EIF2AK1: variants seen among roughly 807,000 people sequenced by gnomAD.
The protein encoded by EIF2AK1 is eukaryotic translation initiation factor 2 alpha kinase 1.
A neutral mutation model predicts 77.9 loss-of-function variants in EIF2AK1; 54 were observed. That is an observed-to-expected ratio of 0.69 (90% CI 0.56 to 0.87). EIF2AK1 has a LOEUF of 0.87. EIF2AK1 is among the 40% of genes least tolerant of loss of function. The pLI, the probability that EIF2AK1 is intolerant of heterozygous loss-of-function variation, is 0.00. For synonymous variants in EIF2AK1, 314 were observed against 290.5 expected, an observed-to-expected ratio of 1.08 and a Z score of -0.82; for missense variants, 810 against 768.6, an observed-to-expected ratio of 1.05 and a Z score of -0.64.
chr7:6,056,292 CAAAAA>C (rs71008352), intron 1 of EIF2AK1, among the ~76,000 whole-genome samples: 28 of 55,810 alleles, frequency 5.0e-4, no homozygotes, highest in Admixed American at 8.0e-4. Context: ...GACTCAGTCT[CAAAAA>C]AAAAAAAAAA....
intron 14 of EIF2AK1, 36 bp downstream of exon 14, chr7:6,026,692 C>T (rs1217027683): frequency 3.2e-6 from 5 of 1,572,688 alleles, no homozygotes; most frequent in South Asian, 1.1e-5. Flanking sequence ...TAAAAACCAC[C>T]TTCACTCCAG....
At chr7:6,046,493 A>C in intron 5 of EIF2AK1, 1 of 171,226 alleles carries the variant, frequency 5.8e-6, no homozygotes. Context: ...CCATGTAAAC[A>C]ATCAACACGG....
intron 2 of EIF2AK1, among the ~76,000 whole-genome samples, chr7:6,051,030 T>C (rs1484396439): frequency 6.6e-6 from 1 of 152,116 alleles, no homozygotes; most frequent in Non-Finnish European, 1.5e-5. Context: ...TTCCACACAT[T>C]ACCCTTTGCT....
chr7:6,036,180 C>T lies in EIF2AK1; in HGVS notation c.1332+1244G>A, dbSNP rs1357014741. ...AATGACCAATAACCAAGGAATTCTA[C>T]CTGCAGGAATCATGCTACCAGAATT... On this transcript the variant is annotated intron_variant, in intron 11 of 14. Coordinates refer to ENST00000199389, the MANE Select transcript of EIF2AK1 (RefSeq NM_014413.4). The surrounding 1 kb of genome is among the most constrained non-coding windows in gnomAD (Gnocchi z 4.6). 2.6e-6 allele frequency: 4 copies of T among 1,549,674 alleles called. No individual in the cohort carries two copies. Among genetic ancestry groups the T allele is most frequent in the East Asian group, 4.9e-5 (2 of 40,914 alleles).
chr7:6,039,129 A>G (rs1788218655), intron 9 of EIF2AK1, among the ~76,000 whole-genome samples: 1 of 152,236 alleles, frequency 6.6e-6, no homozygotes, highest in Non-Finnish European at 1.5e-5. Flanking sequence ...CACGTTGTAC[A>G]TAACTAATAA....
intron 7 of EIF2AK1, 48 bp downstream of exon 7, chr7:6,044,514 C>T (rs1245829732): frequency 1.3e-6 from 2 of 1,524,810 alleles, no homozygotes; most frequent in Non-Finnish European, 1.8e-6. Context: ...GGTGCACGGG[C>T]TAAAGTTTGC....
In EIF2AK1 at chr7:6,027,093, G is replaced by T; in HGVS notation, c.1531-132C>A. 1 of 739,996 alleles carries T rather than the reference G, an allele frequency of 1.4e-6. No homozygotes were observed. Among genetic ancestry groups the T allele is most frequent in the South Asian group, 1.7e-5 (1 of 59,380 alleles). 45.8% of individuals were successfully genotyped at this position (739,996 alleles called of 1,614,324 possible). ...GATATACGGTCACCCACAAGGAAGG[G>T]AACAGAGCAGGATAGCTCATCAGTG... On this transcript the variant is annotated intron_variant, in intron 13 of 14. Coordinates refer to ENST00000199389, the MANE Select transcript of EIF2AK1 (RefSeq NM_014413.4). The surrounding 1 kb of genome is among the most constrained non-coding windows in gnomAD (Gnocchi z 4.5).
chr7:6,024,767 T>C lies in EIF2AK1; in HGVS notation c.1799A>G (p.Gln600Arg). The C allele has an allele frequency of 6.3e-7, 1 of 1,588,380 alleles. No homozygotes were observed. The highest frequency in any genetic ancestry group is 2.3e-5 in the East Asian group (1 of 44,174). Reference sequence around the variant, plus strand: ...CTTTAGTTCTGCAATTTCTTTTTCTTGCTCTATTATCTTCATCTGTAGGGT... The same window carrying C: ...CTTTAGTTCTGCAATTTCTTTTTCTCGCTCTATTATCTTCATCTGTAGGGT... ...NLTLQMKIIE[Q>R]EKEIAELKKQ... The change falls in exon 15 of 15, where the codon CAA becomes CGA. Residue 600 changes from glutamine (Q) to arginine (R), a missense_variant. Coordinates refer to ENST00000199389, the MANE Select transcript of EIF2AK1 (RefSeq NM_014413.4).
At position 6,035,430 on chromosome 7, in the gene EIF2AK1, A is replaced by G. The variant is rs1788048695; in HGVS notation, c.1332+1994T>C. ...TGTGAATTCAGTGTAACGTGTAATCAATACCCATTCTAGGGACACGACAGG... is the reference window on the plus strand; with the variant it reads ...TGTGAATTCAGTGTAACGTGTAATCGATACCCATTCTAGGGACACGACAGG... On this transcript the variant is annotated intron_variant, in intron 11 of 14. Coordinates refer to ENST00000199389, the MANE Select transcript of EIF2AK1 (RefSeq NM_014413.4). The surrounding 1 kb of genome is among the most constrained non-coding windows in gnomAD (Gnocchi z 5.5). 6.5e-7 allele frequency: 1 copy of G among 1,545,026 alleles called. No homozygotes were observed. Among genetic ancestry groups the G allele is most frequent in the African/African-American group, 1.4e-5 (1 of 72,962 alleles).
intron 1 of EIF2AK1, among the ~76,000 whole-genome samples, chr7:6,056,613 A>AAAATATATAT: frequency 1.1e-4 from 5 of 43,738 alleles, no homozygotes; most frequent in South Asian, 8.1e-4. Flanking sequence ...AAAAAAAAAA[A>AAAATATATAT]ATATATATAT....
rs760799297 is a variant in EIF2AK1 at position 6,059,073 on chromosome 7, C to G, written c.11G>C (p.Gly4Ala). Residue 4 changes from glycine to alanine, a missense_variant, in exon 1 of 15, where the codon GGC becomes GCC. This residue lies in a region of EIF2AK1 where 246 missense variants were observed against 199.0 expected (regional missense o/e 1.24). Transcript: ENST00000199389. The stretch of plus-strand genomic sequence containing the variant: ...TTCGCGCTTGCGGACCCCGGAGTTG[C>G]CCCCCTGCATCGCCGGCCGCGCGCG... MQG[G>A]NSGVRKREEE... 3 of 1,444,814 alleles carry G rather than the reference C, an allele frequency of 2.1e-6. No homozygotes were observed. Among genetic ancestry groups the G allele is most frequent in the Middle Eastern group, 2.0e-4 (1 of 4,934 alleles). The allele number at this position is 1,444,814 out of a possible 1,614,324, so 89.5% of individuals were successfully genotyped here.
Position 6,027,804 on chromosome 7 carries a change from G to A in EIF2AK1, c.1530+811C>T. ...ATTTAGGCCAGGCGCAGAGGTTCAT[G>A]CCTTAATCCCAGCACTTTGGGAGGC... On this transcript the variant is annotated intron_variant, in intron 13 of 14. Coordinates refer to ENST00000199389, the MANE Select transcript of EIF2AK1 (RefSeq NM_014413.4). This position sits in a 1 kb window ranked among gnomAD's most constrained non-coding sequence, Gnocchi z 4.5. 1 of 317,006 alleles carries A rather than the reference G, an allele frequency of 3.2e-6. No homozygotes were observed. The highest frequency in any genetic ancestry group is 4.2e-5 in the Admixed American group (1 of 23,548). The allele number at this position is 317,006 out of a possible 1,614,324, so 19.6% of individuals were successfully genotyped here.
In EIF2AK1 at chr7:6,059,027, C is replaced by A. The variant is rs1788877685; in HGVS notation, c.57G>T (p.Gly19=). ...CGATGGCCGGCGGCGCAGCCACAGC[C>A]CCAGCCCCGTCGCCCTCCTCTTCGC... is the stretch of plus-strand genomic sequence containing the variant. ...RKREEEGDGA[G]AVAAPPAIDF... is the part of the protein sequence containing the mutation. The change falls in exon 1 of 15, where the codon GGG becomes GGT. Residue 19 remains glycine, a synonymous_variant. Transcript: ENST00000199389. The A allele has an allele frequency of 4.6e-6, 7 of 1,527,538 alleles. No homozygotes were observed. The South Asian group carries it at 7.4e-5, about 16-fold the overall frequency. 94.6% of individuals were successfully genotyped at this position (1,527,538 alleles called of 1,614,324 possible). A position where few individuals can be genotyped will look rare whatever the true frequency, so the allele number is the denominator to read the frequency against.
At chr7:6,025,994 A>T (rs1410560276) in intron 14 of EIF2AK1, among the ~76,000 whole-genome samples, 6 of 149,592 alleles carry the variant, frequency 4.0e-5, no homozygotes, top group Non-Finnish European at 7.4e-5. Flanking sequence ...CTCAGCATTT[A>T]AAAAAAAAAC....
In EIF2AK1 at chr7:6,047,039, C is replaced by T; in HGVS notation, c.502G>A (p.Glu168Lys). Residue 168 changes from glutamate (E) to lysine (K), a missense_variant, in exon 5 of 15, where the codon GAA (glutamate) becomes AAA (lysine). Physicochemically the swap from Glu to Lys is moderately conservative, Grantham distance 56. Around this residue, in one of 3 missense-constraint regions of EIF2AK1, gnomAD observed 15 missense variants for 35.9 expected, o/e 0.42. Coordinates refer to ENST00000199389, the MANE Select transcript of EIF2AK1 (RefSeq NM_014413.4). ...AQTSRYLNEF[E>K]ELAILGKGGY... Reference sequence around the variant, plus strand: ...CCTTTTCCTAAGATGGCAAGTTCTTCAAATTCATTTAAGTAACGTGAAGTT... The same window carrying T: ...CCTTTTCCTAAGATGGCAAGTTCTTTAAATTCATTTAAGTAACGTGAAGTT... 5 of 1,613,832 alleles carry T rather than the reference C, an allele frequency of 3.1e-6. No individual in the cohort carries two copies. Among genetic ancestry groups the T allele is most frequent in the Non-Finnish European group, 4.2e-6 (5 of 1,180,000 alleles).
At chr7:6,028,884 A>C in intron 12 of EIF2AK1, 34 bp downstream of exon 12, 1 of 1,551,812 alleles carries the variant, frequency 6.4e-7, no homozygotes, top group Non-Finnish European at 8.8e-7. Flanking sequence ...TCTTTTGCTT[A>C]TGCAAAGAAA....
At chr7:6,025,976 A>C (rs1306346384) in intron 14 of EIF2AK1, among the ~76,000 whole-genome samples, 4 of 151,754 alleles carry the variant, frequency 2.6e-5, no homozygotes, top group African/African-American at 9.7e-5. Context: ...TTTAAGCTTC[A>C]TATTTTCCTC....
chr7:6,044,683 A>G (rs1562753472), intron 6 of EIF2AK1, 22 bp from the exon 7 acceptor site: 1 of 1,600,066 alleles, frequency 6.2e-7, no homozygotes. Flanking sequence ...ATGGAAGTAG[A>G]TCTGCCTTTT....
At chr7:6,055,342 CAAAAA>C (rs58804557) in intron 1 of EIF2AK1, among the ~76,000 whole-genome samples, 1 of 70,218 alleles carries the variant, frequency 1.4e-5, no homozygotes, top group African/African-American at 6.1e-5. Context: ...AACTCCGTCT[CAAAAA>C]AAAAAAAAAA....
Sources: allele counts gnomAD v4.1 joint callset (sites outside exome capture counted in the v4.1 genomes callset), GRCh38; gene constraint gnomAD v4.1.1; regional missense constraint gnomAD v4.1.1; non-coding constraint Gnocchi (gnomAD v3.1); transcripts MANE v1.5; gene names NCBI Gene and HGNC (gene_info 2026-07-23, HGNC 2026-07-21).